Variants in ANO2 observed in about 807,000 individuals in gnomAD.
ANO2 encodes the protein anoctamin-2.
A neutral mutation model predicts 124.2 loss-of-function variants in ANO2; 101 were observed. The observed-to-expected ratio is 0.81, with a 90% CI of 0.69 to 0.96. The LOEUF (loss-of-function observed/expected upper bound fraction) is 0.96, where lower values mean the gene tolerates loss of function less well. Among genes scored for constraint, ANO2 ranks in the 40% least tolerant of loss-of-function variants. The probability of loss-of-function intolerance (pLI) is 0.00; values close to 1 mark genes in which losing one functional copy is unlikely to be tolerated. For missense variants in ANO2, 1,293 were observed against 1,274.5 expected (o/e 1.01, Z -0.22); for synonymous variants, 486 against 482.5 (o/e 1.01, Z -0.09).
intron 14 of ANO2, among the ~76,000 whole-genome samples, chr12:5,711,223 T>C (rs1035009037): frequency 5.3e-5 from 8 of 151,762 alleles, no homozygotes; most frequent in African/African-American, 9.7e-5. Context: ...GTATAAGTCA[T>C]AGGGGCAGAT....
intron 10 of ANO2, among the ~76,000 whole-genome samples, chr12:5,773,977 A>G (rs1341200865): frequency 1.3e-5 from 2 of 151,762 alleles, no homozygotes; most frequent in African/African-American, 4.8e-5. Context: ...TGCTTTAAAA[A>G]CTCCAAAGCA....
rs774237468 is a variant in ANO2, at chr12:5,575,986, A to G, written c.2469T>C (p.Phe823=). The G allele has an allele frequency of 5.6e-6, 9 of 1,611,178 alleles. No individual in the cohort carries two copies. Among genetic ancestry groups the G allele is most frequent in the Admixed American group, 3.4e-5 (2 of 59,592 alleles). ...AGTACTGGTACACCAGGCGGGGGAT[A>G]AAGTCGGAGGTGATCGCAATGACAA... ...NAFVIAITSD[F]IPRLVYQYSY... The change falls in exon 23 of 25, where the codon TTT becomes TTC. Residue 823 remains phenylalanine, a synonymous_variant. Transcript: ENST00000682330.
chr12:5,597,039 C>T (rs1943697800), intron 20 of ANO2, among the ~76,000 whole-genome samples: 1 of 152,034 alleles, frequency 6.6e-6, no homozygotes, highest in South Asian at 2.1e-4. Context: ...GGGATTTGAG[C>T]CCAGGAAGTA....
intron 20 of ANO2, among the ~76,000 whole-genome samples, chr12:5,591,937 C>G (rs188721623): frequency 2.0e-5 from 3 of 152,286 alleles, no homozygotes; most frequent in Admixed American, 6.5e-5. Flanking sequence ...AGAGCCAAGT[C>G]TGAAAGAGAT....
chr12:5,661,344 TCTC>T (rs1383651958), intron 14 of ANO2, among the ~76,000 whole-genome samples: 3 of 152,180 alleles, frequency 2.0e-5, no homozygotes, highest in African/African-American at 7.2e-5. Flanking sequence ...CTTGATGAAA[TCTC>T]CTCTTATTCT....
At chr12:5,728,265 C>T (rs1026819798) in intron 14 of ANO2, among the ~76,000 whole-genome samples, 1 of 151,996 alleles carries the variant, frequency 6.6e-6, no homozygotes, top group Non-Finnish European at 1.5e-5. Flanking sequence ...CCTAAGGAAT[C>T]CATTAAAAAT....
At chr12:5,691,063 C>T (rs1245722322) in intron 14 of ANO2, among the ~76,000 whole-genome samples, 1 of 152,116 alleles carries the variant, frequency 6.6e-6, no homozygotes, top group Non-Finnish European at 1.5e-5. Flanking sequence ...GGTGCGGTGG[C>T]TCACGCCTGT....
intron 3 of ANO2, among the ~76,000 whole-genome samples, chr12:5,860,188 C>A (rs1345613768): frequency 6.6e-6 from 1 of 152,132 alleles, no homozygotes; most frequent in African/African-American, 2.4e-5. Context: ...TCCCCCATCC[C>A]AACCAACTCC....
chr12:5,774,614 C>T (rs1245450556), intron 10 of ANO2, among the ~76,000 whole-genome samples: 1 of 152,168 alleles, frequency 6.6e-6, no homozygotes, highest in Non-Finnish European at 1.5e-5. Context: ...CTGCTAAAAG[C>T]TCACGGGCAA....
chr12:5,767,012 C>T (rs1951913580), intron 10 of ANO2, among the ~76,000 whole-genome samples: 1 of 152,200 alleles, frequency 6.6e-6, no homozygotes, highest in Non-Finnish European at 1.5e-5. Flanking sequence ...ATCAGAAGAG[C>T]AGAGTTGAGC....
At chr12:5,872,295 C>G (rs1371427342) in intron 3 of ANO2, among the ~76,000 whole-genome samples, 1 of 152,148 alleles carries the variant, frequency 6.6e-6, no homozygotes, top group East Asian at 1.9e-4. Flanking sequence ...AACCCACATC[C>G]TTTCCAGGTA....
Position 5,608,101 on chromosome 12 carries a change from G to T in ANO2, c.2087+4555C>A, listed in dbSNP as rs183730682. On this transcript the variant is annotated intron_variant, in intron 19 of 24. Transcript: ENST00000682330. ...CTACAGATGTGTTGAAAACTACTGG[G>T]TCTAATTTTTATAATTTACATGACT... Among the ~76,000 whole-genome samples the T allele has an allele frequency of 5.1e-3, 778 of 151,926 alleles. 16 individuals are homozygous for T. Among genetic ancestry groups the T allele is most frequent in the Non-Finnish European group, 3.4e-3 (230 of 67,970 alleles).
At chr12:5,712,714 C>T (rs1158636326) in intron 14 of ANO2, among the ~76,000 whole-genome samples, 2 of 152,168 alleles carry the variant, frequency 1.3e-5, no homozygotes, top group African/African-American at 4.8e-5. Flanking sequence ...GATGACCTCC[C>T]AGAGCAGATG....
chr12:5,898,948 G>C (rs1939987395), intron 3 of ANO2, among the ~76,000 whole-genome samples: 2 of 152,168 alleles, frequency 1.3e-5, no homozygotes, highest in African/African-American at 4.8e-5. Context: ...GAATGAGAAG[G>C]CCATAGCTAG....
intron 24 of ANO2, 25 bp from the exon 25 acceptor site, chr12:5,563,593 G>A (rs1328684347): frequency 6.2e-7 from 1 of 1,611,928 alleles, no homozygotes; most frequent in East Asian, 2.2e-5. Context: ...GGAGAGAGGG[G>A]CTGAGTTGGA....
intron 6 of ANO2, among the ~76,000 whole-genome samples, chr12:5,829,176 A>G (rs1434287797): frequency 6.6e-6 from 1 of 152,192 alleles, no homozygotes; most frequent in Non-Finnish European, 1.5e-5. Context: ...AACAGCAATA[A>G]TAATTAGGAA....
At chr12:5,905,787 T>C (rs907722094) in intron 3 of ANO2, among the ~76,000 whole-genome samples, 1 of 151,890 alleles carries the variant, frequency 6.6e-6, no homozygotes, top group Admixed American at 6.6e-5. Flanking sequence ...GGTGGAAAGA[T>C]ACAAAAAAAA....
intron 4 of ANO2, among the ~76,000 whole-genome samples, chr12:5,843,407 AG>A (rs1385249656): frequency 4.6e-5 from 7 of 152,136 alleles, no homozygotes; most frequent in African/African-American, 1.7e-4. Flanking sequence ...AAAATGAGCC[AG>A]GCATAGTGGC....
intron 14 of ANO2, among the ~76,000 whole-genome samples, chr12:5,670,092 A>G (rs948539846): frequency 6.6e-6 from 1 of 152,172 alleles, no homozygotes; most frequent in Non-Finnish European, 1.5e-5. Context: ...CGCCAAGAGC[A>G]CACGTGTGGG....
Sources: allele counts gnomAD v4.1 joint callset (sites outside exome capture counted in the v4.1 genomes callset), GRCh38; gene constraint gnomAD v4.1.1; transcripts MANE v1.5; gene names NCBI Gene and HGNC (gene_info 2026-07-23, HGNC 2026-07-21).